The following PPP4R1 variants were observed in gnomAD, a reference collection of about 807,000 sequenced individuals.
PPP4R1 encodes protein phosphatase 4 regulatory subunit 1, also known as serine/threonine-protein phosphatase 4 regulatory subunit 1.
PPP4R1 carries 42 observed loss-of-function variants against 111.2 expected under a neutral mutation model. The observed-to-expected ratio is 0.38, with a 90% CI of 0.29 to 0.49. The LOEUF (loss-of-function observed/expected upper bound fraction) is 0.49. PPP4R1 is among the 20% of genes least tolerant of loss of function. The pLI is 0.97. For missense variants in PPP4R1, 1,012 were observed against 1,161.6 expected, an observed-to-expected ratio of 0.87 and a Z score of 1.87; for synonymous variants, 409 against 405.5, an observed-to-expected ratio of 1.01 and a Z score of -0.10.
chr18:9,547,619 T>C lies in PPP4R1; in HGVS notation c.*170A>G, dbSNP rs1598879746. ...TAATAGTGTTTACTGTACTTTCTCT[T>C]GACTCTTGAAATCCCTGGTATTGGG... On this transcript the variant is annotated 3_prime_UTR_variant, in exon 20 of 20. Coordinates refer to ENST00000400556, the MANE Select transcript of PPP4R1 (RefSeq NM_001042388.3). The C allele has an allele frequency of 1.5e-6, 1 of 668,900 alleles. No individual in the cohort carries two copies. Among genetic ancestry groups the C allele is most frequent in the African/African-American group, 1.8e-5 (1 of 56,010 alleles). The allele number at this position is 668,900 out of a possible 1,614,324, so 41.4% of individuals were successfully genotyped here. A position where few individuals can be genotyped will look rare whatever the true frequency, so the allele number is the denominator to read the frequency against.
At chr18:9,571,375 T>A (rs1036837693) in intron 10 of PPP4R1, among the ~76,000 whole-genome samples, 1 of 152,242 alleles carries the variant, frequency 6.6e-6, no homozygotes, top group African/African-American at 2.4e-5. Context: ...TTATCTGAAG[T>A]ACGACTGTAA....
chr18:9,611,742 TG>T (rs1385084539), intron 2 of PPP4R1, among the ~76,000 whole-genome samples: 3 of 152,262 alleles, frequency 2.0e-5, no homozygotes. Context: ...CCGGGCGCAG[TG>T]GCTCACGCCT....
chr18:9,583,856 TTA>T (rs1390421975), intron 8 of PPP4R1, among the ~76,000 whole-genome samples: 2 of 151,918 alleles, frequency 1.3e-5, no homozygotes, highest in African/African-American at 2.4e-5. Flanking sequence ...TGAGTCAAAA[TTA>T]TGTTTGCTTT....
At chr18:9,580,472 C>G (rs575795033) in intron 9 of PPP4R1, among the ~76,000 whole-genome samples, 1 of 152,076 alleles carries the variant, frequency 6.6e-6, no homozygotes, top group South Asian at 2.1e-4. Context: ...GCCTCAGCCT[C>G]CTGAGTAGCT....
At chr18:9,588,367 G>T in intron 5 of PPP4R1, 132 bp from the exon 6 acceptor site, 1 of 1,015,624 alleles carries the variant, frequency 9.8e-7, no homozygotes, top group Non-Finnish European at 1.4e-6. Flanking sequence ...ATAAATATTT[G>T]TGTTTATTTT....
chr18:9,593,650 T>G lies in PPP4R1; in HGVS notation c.295+118A>C, dbSNP rs1004461721. 1.6e-5 allele frequency: 14 copies of G among 895,164 alleles called. No homozygotes were observed. The Admixed American group carries it at 2.0e-4, about 13-fold the overall frequency. 55.5% of individuals were successfully genotyped at this position (895,164 alleles called of 1,614,324 possible). On this transcript the variant is annotated intron_variant, in intron 4 of 19. Transcript: ENST00000400556. Reference sequence around the variant, plus strand: ...GTCACTGATGGGTTTGATAATTACTTAGGAAATATTTTAAAGCTATCTCAT... The same window carrying G: ...GTCACTGATGGGTTTGATAATTACTGAGGAAATATTTTAAAGCTATCTCAT...
intron 2 of PPP4R1, chr18:9,612,571 G>C (rs543291426): frequency 6.6e-6 from 1 of 152,320 alleles, no homozygotes; most frequent in South Asian, 2.1e-4. Context: ...CTTCAGGAGT[G>C]AGAAGTTTTT....
rs1029474671 is a variant in PPP4R1 at position 9,584,758 on chromosome 18, T to A, written c.656A>T (p.Glu219Val). 7 of 1,613,808 alleles carry A rather than the reference T, an allele frequency of 4.3e-6. No homozygotes were observed. The highest frequency in any genetic ancestry group is 5.9e-6 in the Non-Finnish European group (7 of 1,179,796). The change falls in exon 7 of 20, where the codon GAG (glutamate) becomes GTG (valine). Residue 219 changes from glutamate to valine, a missense_variant. By Grantham distance (121) the Glu-to-Val change is moderately radical (BLOSUM62 -2). Around this residue, in one of 2 missense-constraint regions of PPP4R1, gnomAD observed 707 missense variants for 742.1 expected, o/e 0.95. Transcript: ENST00000400556. ...TERLILPRFC[E>V]MCCDCRMFHV... ...AAACATTCTGCAATCGCAGCACATC[T>A]CACAAAACCTAGGGAGGATAAGACG...
At position 9,582,492 on chromosome 18, in the gene PPP4R1, A is replaced by G. The variant is rs944946494; in HGVS notation, c.918+625T>C. Among the ~76,000 whole-genome samples, 3 of 152,310 alleles carry G rather than the reference A, an allele frequency of 2.0e-5. No individual in the cohort carries two copies. The South Asian group carries it at 6.2e-4, about 32-fold the overall frequency. ...GAAAACTGACTCAAGAAAAAAACAC[A>G]CAACAGACCTATAACAAGTGAAGAG... On this transcript the variant is annotated intron_variant, in intron 9 of 19. Coordinates refer to ENST00000400556, the MANE Select transcript of PPP4R1 (RefSeq NM_001042388.3).
chr18:9,581,617 G>A (rs1276114182), intron 9 of PPP4R1, among the ~76,000 whole-genome samples: 1 of 152,024 alleles, frequency 6.6e-6, no homozygotes, highest in Non-Finnish European at 1.5e-5. Context: ...ATACATAATG[G>A]GAATATTAGA....
chr18:9,591,328 C>T (rs891709105), intron 4 of PPP4R1, among the ~76,000 whole-genome samples: 61 of 149,260 alleles, frequency 4.1e-4, no homozygotes, highest in African/African-American at 1.3e-3. Flanking sequence ...GCCTGGGTGA[C>T]AGAGTGAGAC....
rs1224733788 is a variant in PPP4R1 at position 9,561,967 on chromosome 18, T to G, written c.1842+13A>C. The G allele has an allele frequency of 1.9e-6, 3 of 1,584,632 alleles. No individual in the cohort carries two copies. The African/African-American group carries it at 4.0e-5, about 21-fold the overall frequency. ...AACACACCCACAAAAGAACACATTT[T>G]TTGGTCACTTACTTGTACTTTAGTT... On this transcript the variant is annotated intron_variant, in intron 13 of 19. Coordinates refer to ENST00000400556, the MANE Select transcript of PPP4R1 (RefSeq NM_001042388.3).
At chr18:9,588,909 T>C in intron 4 of PPP4R1, 56 bp from the exon 5 acceptor site, 1 of 1,586,124 alleles carries the variant, frequency 6.3e-7, no homozygotes, top group South Asian at 1.2e-5. Context: ...ACAAAACCTT[T>C]ATCTGTTCTT....
intron 2 of PPP4R1, among the ~76,000 whole-genome samples, chr18:9,607,203 A>G (rs914584838): frequency 1.5e-4 from 23 of 152,208 alleles, no homozygotes; most frequent in African/African-American, 5.1e-4. Flanking sequence ...TACCAAAAAT[A>G]CAAAAAAATT....
At chr18:9,561,946 C>T (rs1224438631) in intron 13 of PPP4R1, 34 bp downstream of exon 13, 2 of 1,530,456 alleles carry the variant, frequency 1.3e-6, no homozygotes, top group Non-Finnish European at 1.8e-6. Context: ...ATTAGGAACA[C>T]ACCCACAAAA....
chr18:9,588,655 C>G, intron 5 of PPP4R1, 56 bp downstream of exon 5: 1 of 1,457,642 alleles, frequency 6.9e-7, no homozygotes, highest in Non-Finnish European at 9.3e-7. Flanking sequence ...CTCGGCTATT[C>G]TCCATATATT....
chr18:9,562,814 T>G (rs1027168885), intron 12 of PPP4R1: 2 of 957,746 alleles, frequency 2.1e-6, no homozygotes, highest in Non-Finnish European at 2.5e-6. Context: ...TAAGCAGCAC[T>G]GATACCAAAT....
intron 2 of PPP4R1, among the ~76,000 whole-genome samples, chr18:9,598,011 AT>A (rs1372226889): frequency 6.6e-6 from 1 of 152,168 alleles, no homozygotes; most frequent in African/African-American, 2.4e-5. Context: ...ACCTAAATTG[AT>A]CTTTTAGAGA....
intron 18 of PPP4R1, 57 bp from the exon 19 acceptor site, chr18:9,549,395 C>G (rs182421203): frequency 6.5e-7 from 1 of 1,546,912 alleles, no homozygotes; most frequent in African/African-American, 1.4e-5. Context: ...AAAAACTCGA[C>G]TACTGGCTAA....
Sources: allele counts gnomAD v4.1 joint callset (sites outside exome capture counted in the v4.1 genomes callset), GRCh38; gene constraint gnomAD v4.1.1; regional missense constraint gnomAD v4.1.1; transcripts MANE v1.5; gene names NCBI Gene and HGNC (gene_info 2026-07-23, HGNC 2026-07-21).